The following PCDH15 variants were observed in gnomAD, a reference collection of about 807,000 sequenced individuals.
The protein encoded by PCDH15 is protocadherin-15.
A neutral mutation model predicts 178.5 loss-of-function variants in PCDH15; 129 were observed. The observed-to-expected ratio is 0.72, with a 90% CI of 0.63 to 0.84. The LOEUF is 0.84. Ranked by LOEUF, PCDH15 falls within the 40% of genes least tolerant of loss-of-function variation. The pLI is 0.00. For synonymous variants in PCDH15, 800 were observed against 732.0 expected, an observed-to-expected ratio of 1.09 and a Z score of -1.50; for missense variants, 2,230 against 2,099.9, an observed-to-expected ratio of 1.06 and a Z score of -1.21.
intron 1 of PCDH15, among the ~76,000 whole-genome samples, chr10:54,800,137 C>T (rs1458514766): frequency 6.6e-6 from 1 of 152,090 alleles, no homozygotes; most frequent in African/African-American, 2.4e-5. Context: ...TCCATCAAAT[C>T]GATGGCCATC....
At chr10:55,243,433 C>G (rs1199036899) in intron 1 of PCDH15, among the ~76,000 whole-genome samples, 1 of 152,186 alleles carries the variant, frequency 6.6e-6, no homozygotes. Context: ...AATAACAAGA[C>G]CAGACTTTCC....
At chr10:55,399,651 T>C (rs1408657347) in intron 2 of PCDH15, among the ~76,000 whole-genome samples, 1 of 152,072 alleles carries the variant, frequency 6.6e-6, no homozygotes, top group African/African-American at 2.4e-5. Context: ...TTTAGTGGAA[T>C]CAAGAAAATG....
chr10:55,056,193 T>C (rs1318318137), intron 2 of PCDH15, among the ~76,000 whole-genome samples: 2 of 152,164 alleles, frequency 1.3e-5, no homozygotes, highest in Non-Finnish European at 2.9e-5. Context: ...CTTTCCACTG[T>C]AATCAGAAAA....
chr10:55,069,527 G>C (rs1033384196), intron 2 of PCDH15, among the ~76,000 whole-genome samples: 6 of 138,594 alleles, frequency 4.3e-5, no homozygotes, highest in African/African-American at 1.6e-4. Flanking sequence ...AATATGCGGT[G>C]TTTGGTTTTT....
chr10:55,113,553 C>A (rs1192508218), intron 2 of PCDH15, among the ~76,000 whole-genome samples: 1 of 151,960 alleles, frequency 6.6e-6, no homozygotes, highest in Non-Finnish European at 1.5e-5. Context: ...CAATTTTTTT[C>A]TTTTCTCTAG....
At chr10:55,473,801 C>G (rs1840011941) in intron 2 of PCDH15, among the ~76,000 whole-genome samples, 1 of 152,118 alleles carries the variant, frequency 6.6e-6, no homozygotes, top group Non-Finnish European at 1.5e-5. Context: ...ACTTGTTGAA[C>G]ACTTTTAAAA....
intron 3 of PCDH15, among the ~76,000 whole-genome samples, chr10:54,394,511 G>GC (rs1420318456): frequency 3.3e-5 from 5 of 152,106 alleles, no homozygotes; most frequent in Non-Finnish European, 7.3e-5. Flanking sequence ...GAATAGGTGT[G>GC]GGTCACAGAC....
intron 8 of PCDH15, among the ~76,000 whole-genome samples, chr10:54,265,403 C>A (rs916057675): frequency 2.0e-5 from 3 of 150,916 alleles, no homozygotes; most frequent in Non-Finnish European, 3.0e-5. Flanking sequence ...ATGGCAGGAA[C>A]AAAATCTCAC....
chr10:54,157,881 G>A (rs1395599524), intron 13 of PCDH15, among the ~76,000 whole-genome samples: 2 of 152,164 alleles, frequency 1.3e-5, no homozygotes, highest in Non-Finnish European at 2.9e-5. Flanking sequence ...TAGAGCAGGG[G>A]CAAAATGCCA....
intron 17 of PCDH15, among the ~76,000 whole-genome samples, chr10:54,077,480 C>T (rs2094362249): frequency 6.6e-6 from 1 of 152,114 alleles, no homozygotes; most frequent in African/African-American, 2.4e-5. Context: ...AATATTACTG[C>T]CATTAGTTTC....
intron 2 of PCDH15, among the ~76,000 whole-genome samples, chr10:55,435,580 C>T (rs562175916): frequency 1.3e-5 from 2 of 152,126 alleles, no homozygotes; most frequent in Admixed American, 6.6e-5. Context: ...CATTGTTTAA[C>T]TCCCATCCTC....
intron 2 of PCDH15, among the ~76,000 whole-genome samples, chr10:55,372,277 A>C (rs551661555): frequency 6.6e-6 from 1 of 152,230 alleles, no homozygotes; most frequent in Non-Finnish European, 1.5e-5. Flanking sequence ...TTTTAATTCA[A>C]GTTTTCTTCC....
intron 2 of PCDH15, among the ~76,000 whole-genome samples, chr10:54,563,011 T>A (rs914122155): frequency 6.6e-6 from 1 of 152,168 alleles, no homozygotes; most frequent in African/African-American, 2.4e-5. Flanking sequence ...TATTTACTCA[T>A]GTATAGGAGA....
chr10:54,653,828 T>C (rs556892302), intron 2 of PCDH15, among the ~76,000 whole-genome samples: 1 of 152,212 alleles, frequency 6.6e-6, no homozygotes, highest in Non-Finnish European at 1.5e-5. Context: ...CAAAATGTTT[T>C]AACAGTTAGT....
chr10:55,403,962 T>C (rs1838135464), intron 2 of PCDH15, among the ~76,000 whole-genome samples: 1 of 152,052 alleles, frequency 6.6e-6, no homozygotes, highest in Admixed American at 6.6e-5. Context: ...TCAGGTTGTG[T>C]CTGAAAACAG....
At chr10:55,055,761 A>G (rs1310846555) in intron 2 of PCDH15, among the ~76,000 whole-genome samples, 3 of 152,110 alleles carry the variant, frequency 2.0e-5, no homozygotes, top group Non-Finnish European at 2.9e-5. Flanking sequence ...GTGAGTCAAG[A>G]TTGTGCCACT....
At chr10:54,022,363 T>TA (rs2092950394) in intron 19 of PCDH15, among the ~76,000 whole-genome samples, 1 of 152,056 alleles carries the variant, frequency 6.6e-6, no homozygotes, top group Non-Finnish European at 1.5e-5. Flanking sequence ...ATAATGGGTA[T>TA]AAACAATATT....
chr10:54,427,025 T>C (rs935210010), intron 3 of PCDH15, among the ~76,000 whole-genome samples: 1 of 152,042 alleles, frequency 6.6e-6, no homozygotes, highest in Non-Finnish European at 1.5e-5. Flanking sequence ...AAAAGTTCCA[T>C]GTTTTAACGT....
chr10:55,398,484 G>A (rs1219214876), intron 2 of PCDH15, among the ~76,000 whole-genome samples: 1 of 152,018 alleles, frequency 6.6e-6, no homozygotes, highest in Non-Finnish European at 1.5e-5. Flanking sequence ...CTAGTTGCAA[G>A]GTTTCTTTTT....
Sources: gnomAD v4.1 joint callset for allele counts (sites outside exome capture counted in the v4.1 genomes callset) on GRCh38, gnomAD v4.1.1 for gene constraint, MANE v1.5 for transcripts, NCBI Gene and HGNC (gene_info 2026-07-23, HGNC 2026-07-21) for gene names.